Variants in DCC observed in about 807,000 individuals in gnomAD.
DCC encodes the protein netrin receptor DCC.
In DCC, 58 loss-of-function variants were observed where a neutral mutation model predicts 172.5. That is an observed-to-expected ratio of 0.34 (90% CI 0.27 to 0.42). The LOEUF is 0.42. Ranked by LOEUF, DCC falls within the 10% of genes least tolerant of loss-of-function variation. DCC has a pLI of 1.00. For synonymous variants in DCC, 709 were observed against 644.5 expected, an observed-to-expected ratio of 1.10 and a Z score of -1.52; for missense variants, 1,740 against 1,791.0, an observed-to-expected ratio of 0.97 and a Z score of 0.51.
At chr18:52,346,290 A>T (rs1983875865) in intron 1 of DCC, among the ~76,000 whole-genome samples, 2 of 152,262 alleles carry the variant, frequency 1.3e-5, no homozygotes, top group South Asian at 2.1e-4. Flanking sequence ...TGCAGGACTC[A>T]GGTAAATGAA....
chr18:52,800,842 A>T (rs1323581474), intron 2 of DCC, among the ~76,000 whole-genome samples: 1 of 152,202 alleles, frequency 6.6e-6, no homozygotes, highest in Non-Finnish European at 1.5e-5. Context: ...GGCTTAAAAC[A>T]TCTATTTATT....
At chr18:53,293,496 G>A (rs146448091) in intron 12 of DCC, among the ~76,000 whole-genome samples, 4 of 151,998 alleles carry the variant, frequency 2.6e-5, no homozygotes, top group African/African-American at 9.7e-5. Flanking sequence ...TTAGTTTCAG[G>A]GGTACATGTA....
rs145115320 is a variant in DCC, at chr18:52,813,562, A to C, written c.412+61188A>C. 4.9e-3 allele frequency among the ~76,000 whole-genome samples: 744 copies of C among 151,056 alleles called. 3 individuals carry two copies. The highest frequency in any genetic ancestry group is 8.2e-3 in the Non-Finnish European group (556 of 67,540). On this transcript the variant is annotated intron_variant, in intron 2 of 28. Coordinates refer to ENST00000442544, the MANE Select transcript of DCC (RefSeq NM_005215.4). ...AACTTAAAAGTTATATGTCGGGAAG[A>C]AAAGACAATGTGTGATGGTTAATTG...
At chr18:53,059,752 G>A (rs1426938117) in intron 5 of DCC, among the ~76,000 whole-genome samples, 1 of 151,730 alleles carries the variant, frequency 6.6e-6, no homozygotes, top group African/African-American at 2.4e-5. Flanking sequence ...CATTTCCATG[G>A]CATTATCCGA....
chr18:53,223,642 G>A (rs1470634307), intron 12 of DCC, among the ~76,000 whole-genome samples: 1 of 152,144 alleles, frequency 6.6e-6, no homozygotes, highest in Non-Finnish European at 1.5e-5. Flanking sequence ...ACATGAATAA[G>A]TTCAGCCCTA....
chr18:53,017,329 AAAAATT>A (rs2041822912), intron 5 of DCC, among the ~76,000 whole-genome samples: 1 of 152,194 alleles, frequency 6.6e-6, no homozygotes, highest in Admixed American at 6.5e-5. Flanking sequence ...AACTTCCAGT[AAAAATT>A]AAAATTAATA....
chr18:52,545,463 G>C (rs570491521), intron 1 of DCC, among the ~76,000 whole-genome samples: 1 of 152,176 alleles, frequency 6.6e-6, no homozygotes, highest in African/African-American at 2.4e-5. Context: ...GCCTCAAGCC[G>C]GTTCAGCTCT....
chr18:52,773,240 T>A (rs1431736), intron 2 of DCC, among the ~76,000 whole-genome samples: 1 of 152,196 alleles, frequency 6.6e-6, no homozygotes, highest in Non-Finnish European at 1.5e-5. Flanking sequence ...TATCAAACTA[T>A]GATTCTGGCC....
At chr18:53,253,809 C>T (rs916493149) in intron 12 of DCC, among the ~76,000 whole-genome samples, 1 of 152,136 alleles carries the variant, frequency 6.6e-6, no homozygotes, top group Non-Finnish European at 1.5e-5. Flanking sequence ...AAATCCATGA[C>T]ATTTTTATTT....
chr18:52,994,469 C>T (rs991645615), intron 5 of DCC, among the ~76,000 whole-genome samples: 1 of 152,026 alleles, frequency 6.6e-6, no homozygotes, highest in African/African-American at 2.4e-5. Flanking sequence ...TCATACCAGG[C>T]TTATATTTTA....
rs1427408539 is a variant in DCC at position 53,177,290 on chromosome 18, C to T, written c.1419-1672C>T. Among the ~76,000 whole-genome samples, 3 of 151,798 alleles carry T rather than the reference C, an allele frequency of 2.0e-5. No individual in the cohort carries two copies. In the South Asian group the frequency reaches 6.2e-4, roughly 32 times the overall value. ...GCACATGTATACATATGTAACTAAC[C>T]TGCACAATGTGCACATGTACCCTAA... is the stretch of plus-strand genomic sequence containing the variant. On this transcript the variant is annotated intron_variant, in intron 8 of 28. Transcript: ENST00000442544.
intron 26 of DCC, among the ~76,000 whole-genome samples, chr18:53,489,272 C>T: frequency 6.6e-6 from 1 of 152,266 alleles, no homozygotes; most frequent in Admixed American, 6.5e-5. Flanking sequence ...TTCAGTCATT[C>T]ATCAAGAACT....
intron 1 of DCC, among the ~76,000 whole-genome samples, chr18:52,525,685 G>A (rs184591716): frequency 1.2e-3 from 188 of 152,292 alleles, no homozygotes; most frequent in Middle Eastern, 6.8e-3. Flanking sequence ...TTAAGTACTT[G>A]TTGACAAATA....
chr18:52,909,601 G>C (rs12455748), intron 3 of DCC, among the ~76,000 whole-genome samples: 39,994 of 151,960 alleles, frequency 0.26, 5,467 homozygotes, highest in Admixed American at 0.33. Flanking sequence ...TTATATATCA[G>C]GTGTCTTCTA....
chr18:53,267,633 TA>T (rs2056697132), intron 12 of DCC, among the ~76,000 whole-genome samples: 1 of 152,144 alleles, frequency 6.6e-6, no homozygotes, highest in Non-Finnish European at 1.5e-5. Flanking sequence ...TAATTTTTTT[TA>T]GTTTTATTTT....
chr18:52,384,294 T>C (rs1233549466), intron 1 of DCC, among the ~76,000 whole-genome samples: 1 of 152,090 alleles, frequency 6.6e-6, no homozygotes, highest in African/African-American at 2.4e-5. Flanking sequence ...CGAGCTTCCT[T>C]CAGAGGTTAG....
At chr18:52,621,651 T>G (rs2034482620) in intron 1 of DCC, among the ~76,000 whole-genome samples, 1 of 152,156 alleles carries the variant, frequency 6.6e-6, no homozygotes, top group Non-Finnish European at 1.5e-5. Context: ...GAAAGGACAC[T>G]CACTGTAGCA....
chr18:53,084,456 T>A (rs2042850650), intron 7 of DCC, among the ~76,000 whole-genome samples: 1 of 152,190 alleles, frequency 6.6e-6, no homozygotes, highest in Non-Finnish European at 1.5e-5. Context: ...ACCTATACTT[T>A]TTTATTTTTT....
chr18:52,871,231 C>T (rs1479299097), intron 2 of DCC, among the ~76,000 whole-genome samples: 1 of 152,194 alleles, frequency 6.6e-6, no homozygotes, highest in Non-Finnish European at 1.5e-5. Flanking sequence ...CCAATCCCAA[C>T]CCCTCCACGG....
Sources: allele counts gnomAD v4.1 joint callset (sites outside exome capture counted in the v4.1 genomes callset), GRCh38; gene constraint gnomAD v4.1.1; transcripts MANE v1.5; gene names NCBI Gene and HGNC (gene_info 2026-07-23, HGNC 2026-07-21).